The following RBFOX1 variants were observed in gnomAD, a reference collection of about 807,000 sequenced individuals.
RBFOX1 encodes the protein RNA binding protein fox-1 homolog 1.
Under a neutral mutation model 57.7 loss-of-function variants are expected in RBFOX1, and 8 were observed. The observed-to-expected ratio is 0.14, with a 90% CI of 0.08 to 0.25. The LOEUF (loss-of-function observed/expected upper bound fraction) is 0.25, where lower values mean the gene tolerates loss of function less well. Ranked by LOEUF, RBFOX1 falls within the 10% of genes least tolerant of loss-of-function variation. RBFOX1 has a pLI of 1.00. For synonymous variants in RBFOX1, 326 were observed against 222.4 expected (o/e 1.47, Z -4.15); for missense variants, 611 against 548.5 (o/e 1.11, Z -1.14).
chr16:6,689,080 C>T (rs997364945), intron 3 of RBFOX1, among the ~76,000 whole-genome samples: 3 of 152,100 alleles, frequency 2.0e-5, no homozygotes, highest in African/African-American at 4.8e-5. Context: ...CTATTATGAA[C>T]AGTGCTGCAA....
At chr16:6,619,169 GA>G (rs149404473) in intron 2 of RBFOX1, among the ~76,000 whole-genome samples, 32,907 of 147,542 alleles carry the variant, frequency 0.22, 3,755 homozygotes, top group Admixed American at 0.29. Context: ...CCAGGAAGGA[GA>G]AAAAAAAAAA....
At chr16:7,663,699 G>T (rs912405821) in intron 12 of RBFOX1, among the ~76,000 whole-genome samples, 1 of 152,108 alleles carries the variant, frequency 6.6e-6, no homozygotes, top group African/African-American at 2.4e-5. Context: ...AAGTCATCTA[G>T]AAACATCATG....
In RBFOX1 at chr16:6,864,296, C is replaced by G. The variant is rs34790223; in HGVS notation, c.-15-187761C>G. On this transcript the variant is annotated intron_variant, in intron 3 of 15. Coordinates refer to ENST00000550418, the MANE Select transcript of RBFOX1 (RefSeq NM_018723.4). ...CAAAAATAAGAAATTAGAGAACACA[C>G]TTCATTCTTTCCTTATCCTATCCAG... 3.0e-3 allele frequency among the ~76,000 whole-genome samples: 455 copies of G among 152,236 alleles called. 1 individual carries two copies. The highest frequency in any genetic ancestry group is 4.7e-3 in the Non-Finnish European group (318 of 68,026).
intron 4 of RBFOX1, among the ~76,000 whole-genome samples, chr16:7,209,855 G>C (rs550209353): frequency 2.0e-4 from 31 of 152,264 alleles, no homozygotes; most frequent in African/African-American, 6.7e-4. Flanking sequence ...GGAAGCTGAA[G>C]TGGCACACAC....
chr16:5,901,934 C>T (rs17138822), intron 4 of RBFOX1, among the ~76,000 whole-genome samples: 2 of 152,146 alleles, frequency 1.3e-5, no homozygotes, highest in Non-Finnish European at 2.9e-5. Flanking sequence ...GGTTCTCCAC[C>T]TAGAAGCGAC....
intron 1 of RBFOX1, among the ~76,000 whole-genome samples, chr16:6,192,815 G>T (rs747630259): frequency 3.3e-5 from 5 of 152,058 alleles, no homozygotes; most frequent in African/African-American, 1.2e-4. Flanking sequence ...AAAGATTTCC[G>T]TAAACATTGT....
chr16:7,511,239 G>T (rs1294576549), intron 4 of RBFOX1, among the ~76,000 whole-genome samples: 1 of 152,126 alleles, frequency 6.6e-6, no homozygotes, highest in Non-Finnish European at 1.5e-5. Context: ...CTTCAATTTT[G>T]AGCCAAAAGG....
chr16:6,968,745 C>A (rs1381838587), intron 3 of RBFOX1, among the ~76,000 whole-genome samples: 1 of 152,138 alleles, frequency 6.6e-6, no homozygotes, highest in African/African-American at 2.4e-5. Context: ...CCCTCCTCTC[C>A]CTCCTCTTTG....
chr16:6,988,333 T>C (rs1228483248), intron 3 of RBFOX1, among the ~76,000 whole-genome samples: 4 of 152,188 alleles, frequency 2.6e-5, no homozygotes, highest in African/African-American at 7.2e-5. Flanking sequence ...TGAAAGTGTT[T>C]ATAATCTTAC....
chr16:6,925,557 C>T (rs1008794222), intron 3 of RBFOX1, among the ~76,000 whole-genome samples: 7 of 151,780 alleles, frequency 4.6e-5, no homozygotes, highest in Non-Finnish European at 7.4e-5. Flanking sequence ...TATTCACTGA[C>T]ATAGCTCTAG....
chr16:5,498,234 C>T (rs2043068831), intron 2 of RBFOX1, among the ~76,000 whole-genome samples: 1 of 152,098 alleles, frequency 6.6e-6, no homozygotes, highest in African/African-American at 2.4e-5. Context: ...CTTCTGCTTC[C>T]CACGTTCAAG....
chr16:5,610,032 G>C (rs1053436166), intron 3 of RBFOX1, among the ~76,000 whole-genome samples: 1 of 151,972 alleles, frequency 6.6e-6, no homozygotes, highest in Non-Finnish European at 1.5e-5. Flanking sequence ...TCTTTGCTTT[G>C]ATGCTCACAC....
chr16:6,357,937 A>G (rs535852566), intron 2 of RBFOX1, among the ~76,000 whole-genome samples: 5 of 150,852 alleles, frequency 3.3e-5, no homozygotes, highest in South Asian at 2.1e-4. Context: ...AGCCTGGGCA[A>G]CAGAGCAAGA....
intron 4 of RBFOX1, among the ~76,000 whole-genome samples, chr16:7,515,984 A>G (rs2076269131): frequency 6.6e-6 from 1 of 152,134 alleles, no homozygotes; most frequent in Non-Finnish European, 1.5e-5. Context: ...AGCTAAGATT[A>G]CAGGCATGTG....
chr16:5,751,787 A>G (rs1207580178), intron 3 of RBFOX1, among the ~76,000 whole-genome samples: 3 of 152,248 alleles, frequency 2.0e-5, no homozygotes, highest in African/African-American at 7.2e-5. Flanking sequence ...CCTCAACTAT[A>G]TTAAACCCAT....
chr16:7,456,972 C>G (rs1409282048), intron 4 of RBFOX1, among the ~76,000 whole-genome samples: 1 of 152,000 alleles, frequency 6.6e-6, no homozygotes, highest in African/African-American at 2.4e-5. Flanking sequence ...CTCACTGCAA[C>G]CTCTGCCTCC....
chr16:7,476,312 C>A (rs193056208), intron 4 of RBFOX1, among the ~76,000 whole-genome samples: 1 of 152,336 alleles, frequency 6.6e-6, no homozygotes, highest in Non-Finnish European at 1.5e-5. Flanking sequence ...CTCACAATTA[C>A]AAGCTGTGGC....
chr16:6,688,525 C>T (rs2059766607), intron 3 of RBFOX1, among the ~76,000 whole-genome samples: 1 of 152,146 alleles, frequency 6.6e-6, no homozygotes, highest in Admixed American at 6.6e-5. Context: ...AGAGGTTGAG[C>T]AAAGTAACTT....
At chr16:6,540,082 G>A (rs1414117425) in intron 2 of RBFOX1, among the ~76,000 whole-genome samples, 1 of 152,100 alleles carries the variant, frequency 6.6e-6, no homozygotes, top group East Asian at 1.9e-4. Flanking sequence ...TGATGAAATA[G>A]AGAAGCAGGC....
Sources: allele counts gnomAD v4.1 joint callset (sites outside exome capture counted in the v4.1 genomes callset), GRCh38; gene constraint gnomAD v4.1.1; transcripts MANE v1.5; gene names NCBI Gene and HGNC (gene_info 2026-07-23, HGNC 2026-07-21).